The following RORA variants were observed in gnomAD, a reference collection of about 807,000 sequenced individuals.
The protein encoded by RORA is RAR related orphan receptor A.
In RORA, 7 loss-of-function variants were observed where a neutral mutation model predicts 69.5. That is an observed-to-expected ratio of 0.10 (90% CI 0.06 to 0.19). The LOEUF is 0.19. Ranked by LOEUF, RORA falls within the 10% of genes least tolerant of loss-of-function variation. The pLI is 1.00. For missense variants in RORA, 457 were observed against 663.0 expected (o/e 0.69, Z 3.41); for synonymous variants, 261 against 240.8 (o/e 1.08, Z -0.78).
intron 1 of RORA, among the ~76,000 whole-genome samples, chr15:60,871,592 G>A (rs984378413): frequency 1.3e-5 from 2 of 152,174 alleles, no homozygotes; most frequent in Admixed American, 6.5e-5. Context: ...GTTGATGAGG[G>A]AAATATTGCC....
At chr15:61,002,342 G>A (rs1328429901) in intron 1 of RORA, among the ~76,000 whole-genome samples, 1 of 152,112 alleles carries the variant, frequency 6.6e-6, no homozygotes, top group Admixed American at 6.5e-5. Flanking sequence ...ATGGAAGCAA[G>A]GTAGGAAGGC....
intron 1 of RORA, among the ~76,000 whole-genome samples, chr15:61,113,926 G>C (rs995838652): frequency 3.3e-5 from 5 of 152,146 alleles, no homozygotes; most frequent in African/African-American, 1.2e-4. Context: ...GCTGTTCTTT[G>C]AGGGCCAAAA....
At chr15:60,929,480 C>T (rs574343593) in intron 1 of RORA, among the ~76,000 whole-genome samples, 18 of 152,282 alleles carry the variant, frequency 1.2e-4, no homozygotes, top group Non-Finnish European at 2.4e-4. Flanking sequence ...TTCCATCCTC[C>T]TGGTTCTGCA....
Position 60,876,042 on chromosome 15 carries a change from T to A in RORA, c.167-197356A>T, listed in dbSNP as rs564011651. ...TGTTCAGCGTATTTAATGTCAGTTA[T>A]CCTCAAGGAAAGAGAAAAACCAGTT... is the stretch of plus-strand genomic sequence containing the variant. On this transcript the variant is annotated intron_variant, in intron 1 of 10. Coordinates refer to ENST00000335670, the MANE Select transcript of RORA (RefSeq NM_134261.3). Among the ~76,000 whole-genome samples, 10 of 152,270 alleles carry A rather than the reference T, an allele frequency of 6.6e-5. No individual in the cohort carries two copies. The South Asian group carries it at 1.7e-3, about 25-fold the overall frequency.
At chr15:60,925,767 C>G (rs573340820) in intron 1 of RORA, among the ~76,000 whole-genome samples, 4 of 152,204 alleles carry the variant, frequency 2.6e-5, no homozygotes, top group Non-Finnish European at 2.9e-5. Context: ...CCAGATGCCA[C>G]GAACCTGTAC....
At chr15:60,617,659 C>CAGAGAGAGAGAGAGAGAGAGAGAGAGAG (rs10594406) in intron 2 of RORA, among the ~76,000 whole-genome samples, 1 of 141,438 alleles carries the variant, frequency 7.1e-6, no homozygotes, top group Admixed American at 7.2e-5. Context: ...CACATACAGA[C>CAGAGAGAGAGAGAGAGAGAGAGAGAGAG]AGAGAGAGAG....
At chr15:60,996,512 T>C (rs1461572439) in intron 1 of RORA, among the ~76,000 whole-genome samples, 1 of 152,016 alleles carries the variant, frequency 6.6e-6, no homozygotes, top group Admixed American at 6.5e-5. Context: ...TTTGTTTCAG[T>C]AACACATTGA....
In RORA at chr15:60,947,825, C is replaced by A. The variant is rs1892943979; in HGVS notation, c.167-269139G>T. ...TCCGCAGTGGGAGATGGTACCTAAA[C>A]AAGGTATTGGGAAGAGTTGCAGCAG... On this transcript the variant is annotated intron_variant, in intron 1 of 10. Transcript: ENST00000335670. Among the ~76,000 whole-genome samples, 3 of 151,466 alleles carry A rather than the reference C, an allele frequency of 2.0e-5. No homozygotes were observed. The South Asian group carries it at 6.2e-4, about 31-fold the overall frequency.
chr15:61,225,915 CTGAG>C (rs2080141841), intron 1 of RORA, among the ~76,000 whole-genome samples: 1 of 152,008 alleles, frequency 6.6e-6, no homozygotes, highest in Non-Finnish European at 1.5e-5. Flanking sequence ...TAAGATGGAA[CTGAG>C]TGACACCAGC....
chr15:61,053,063 T>C (rs1294658231), intron 1 of RORA, among the ~76,000 whole-genome samples: 1 of 152,172 alleles, frequency 6.6e-6, no homozygotes, highest in Non-Finnish European at 1.5e-5. Context: ...GCCAAATACA[T>C]CACTCCTGCT....
chr15:61,097,044 G>C (rs1307889367), intron 1 of RORA, among the ~76,000 whole-genome samples: 1 of 152,204 alleles, frequency 6.6e-6, no homozygotes, highest in Non-Finnish European at 1.5e-5. Flanking sequence ...ACTCTACTAA[G>C]GGTGAACAAC....
chr15:60,928,545 T>C (rs188658592), intron 1 of RORA, among the ~76,000 whole-genome samples: 125 of 152,184 alleles, frequency 8.2e-4, no homozygotes, highest in African/African-American at 3.0e-3. Flanking sequence ...TAATCAGAAG[T>C]GGAGAGGTTA....
intron 1 of RORA, among the ~76,000 whole-genome samples, chr15:60,705,277 C>T (rs942568511): frequency 6.6e-6 from 1 of 152,158 alleles, no homozygotes; most frequent in Non-Finnish European, 1.5e-5. Context: ...GGAATTTTTA[C>T]ACAATGTGGA....
chr15:60,831,865 T>C (rs989891185), intron 1 of RORA, among the ~76,000 whole-genome samples: 1 of 152,160 alleles, frequency 6.6e-6, no homozygotes, highest in African/African-American at 2.4e-5. Context: ...GGTTCAAGGT[T>C]GCCCCTATAA....
At chr15:60,505,409 T>C in intron 6 of RORA, 99 bp downstream of exon 6, 11 of 1,156,694 alleles carry the variant, frequency 9.5e-6, no homozygotes, top group Non-Finnish European at 1.3e-5. Context: ...CTGATGACAT[T>C]CATTCTTTAG....
chr15:60,781,045 C>T (rs960865723), intron 1 of RORA, among the ~76,000 whole-genome samples: 2 of 152,214 alleles, frequency 1.3e-5, no homozygotes, highest in Admixed American at 6.5e-5. Context: ...TCAGTAACTT[C>T]TTGAAGGTAA....
At chr15:60,649,627 T>C (rs1596096668) in intron 2 of RORA, among the ~76,000 whole-genome samples, 3 of 152,200 alleles carry the variant, frequency 2.0e-5, no homozygotes, top group Admixed American at 2.0e-4. Flanking sequence ...TCTACTGCTA[T>C]CTTCTGCAAA....
intron 1 of RORA, chr15:60,681,831 C>T (rs1471693111): frequency 6.6e-6 from 1 of 152,058 alleles, no homozygotes; most frequent in Non-Finnish European, 1.5e-5. Flanking sequence ...GGAGAAAGGC[C>T]TTCAGAAAAA....
intron 1 of RORA, among the ~76,000 whole-genome samples, chr15:60,839,157 C>T (rs1193634202): frequency 6.6e-6 from 1 of 152,140 alleles, no homozygotes; most frequent in Non-Finnish European, 1.5e-5. Context: ...CTCGGCCTCC[C>T]AAAGTGCTGC....
Sources: allele counts gnomAD v4.1 joint callset (sites outside exome capture counted in the v4.1 genomes callset), GRCh38; gene constraint gnomAD v4.1.1; transcripts MANE v1.5; gene names NCBI Gene and HGNC (gene_info 2026-07-23, HGNC 2026-07-21).